Variants in CCDC102B observed in about 807,000 individuals in gnomAD.
The protein encoded by CCDC102B is coiled-coil domain-containing protein 102B.
CCDC102B carries 75 observed loss-of-function variants against 57.4 expected under a neutral mutation model. The observed-to-expected ratio is 1.31, with a 90% CI of 1.08 to 1.58. CCDC102B has a LOEUF of 1.58. Ranked by LOEUF, CCDC102B falls within the 40% of genes most tolerant of loss-of-function variation. The pLI is 0.00. For synonymous variants in CCDC102B, 206 were observed against 201.9 expected (o/e 1.02, Z -0.17); for missense variants, 636 against 582.6 (o/e 1.09, Z -0.94).
chr18:68,846,879 T>G (rs2037890859), intron 4 of CCDC102B, among the ~76,000 whole-genome samples: 1 of 151,796 alleles, frequency 6.6e-6, no homozygotes, highest in African/African-American at 2.4e-5. Context: ...TCAATTTATC[T>G]CAGGCATATT....
chr18:68,999,555 G>T (rs971202840), intron 6 of CCDC102B, among the ~76,000 whole-genome samples: 1 of 152,048 alleles, frequency 6.6e-6, no homozygotes, highest in East Asian at 1.9e-4. Flanking sequence ...GCTGTGAGCC[G>T]AGATTGTGCC....
At chr18:68,996,381 C>T (rs2051028071) in intron 6 of CCDC102B, among the ~76,000 whole-genome samples, 1 of 152,220 alleles carries the variant, frequency 6.6e-6, no homozygotes. Flanking sequence ...GCTGCACTCT[C>T]TGCTTCCTTA....
chr18:68,806,256 G>A (rs918008594), intron 1 of CCDC102B, among the ~76,000 whole-genome samples: 3 of 151,712 alleles, frequency 2.0e-5, no homozygotes, highest in Non-Finnish European at 4.4e-5. Context: ...TATTTTAATG[G>A]GATGTCTCAA....
chr18:69,033,414 G>A (rs1284970208), intron 7 of CCDC102B, among the ~76,000 whole-genome samples: 1 of 152,042 alleles, frequency 6.6e-6, no homozygotes, highest in Non-Finnish European at 1.5e-5. Context: ...ATCTCAAAAA[G>A]GAAAGCCTCT....
Position 68,727,297 on chromosome 18 carries a change from G to C in CCDC102B, c.-67+10703G>C, listed in dbSNP as rs117576755. Among the ~76,000 whole-genome samples the C allele has an allele frequency of 9.2e-3, 1,397 of 152,158 alleles. 16 individuals are homozygous for C. The highest frequency in any genetic ancestry group is 0.016 in the Non-Finnish European group (1,110 of 67,994). Reference sequence around the variant, plus strand: ...GTCAATAGTGACTTCTGTGTTTTTGGAATAGAAAATTACCTAGTACCATTC... The same window carrying C: ...GTCAATAGTGACTTCTGTGTTTTTGCAATAGAAAATTACCTAGTACCATTC... On this transcript the variant is annotated intron_variant, in intron 2 of 3. Coordinates refer to the CCDC102B transcript ENST00000578970.
chr18:68,915,553 A>G (rs544606759), intron 6 of CCDC102B, among the ~76,000 whole-genome samples: 15 of 152,346 alleles, frequency 9.8e-5, no homozygotes, highest in South Asian at 8.3e-4. Flanking sequence ...TGAATTTACA[A>G]TATTTTTTGA....
chr18:68,946,939 G>A (rs1274394441), intron 6 of CCDC102B, among the ~76,000 whole-genome samples: 3 of 151,946 alleles, frequency 2.0e-5, no homozygotes, highest in African/African-American at 4.8e-5. Context: ...CCCAATGGAT[G>A]CATCATGGAA....
intron 2 of CCDC102B, among the ~76,000 whole-genome samples, chr18:68,741,862 G>A (rs1346981667): frequency 6.6e-6 from 1 of 152,174 alleles, no homozygotes; most frequent in African/African-American, 2.4e-5. Context: ...GATGGGGAAG[G>A]AGTGAGTGTT....
intron 1 of CCDC102B, among the ~76,000 whole-genome samples, chr18:68,835,308 C>T (rs561162923): frequency 9.9e-5 from 15 of 152,186 alleles, no homozygotes; most frequent in African/African-American, 3.6e-4. Context: ...CATTTCTAAG[C>T]GATAGTCATA....
chr18:68,911,453 A>T (rs933933260), intron 6 of CCDC102B, among the ~76,000 whole-genome samples: 1 of 152,016 alleles, frequency 6.6e-6, no homozygotes, highest in African/African-American at 2.4e-5. Flanking sequence ...GGGTGGGAGG[A>T]TGGAGAAGAT....
chr18:69,036,935 A>T (rs1036744529), intron 7 of CCDC102B, among the ~76,000 whole-genome samples: 1 of 152,040 alleles, frequency 6.6e-6, no homozygotes, highest in African/African-American at 2.4e-5. Flanking sequence ...AAATAGAGAA[A>T]AACAGGTGAT....
At chr18:68,948,871 G>A (rs1163861206) in intron 6 of CCDC102B, among the ~76,000 whole-genome samples, 1 of 152,064 alleles carries the variant, frequency 6.6e-6, no homozygotes, top group East Asian at 1.9e-4. Flanking sequence ...GTGATGATAA[G>A]CTAGTATATT....
At chr18:68,937,735 G>A (rs939985150) in intron 6 of CCDC102B, among the ~76,000 whole-genome samples, 5 of 152,058 alleles carry the variant, frequency 3.3e-5, no homozygotes, top group Admixed American at 6.6e-5. Context: ...TTCTCCTAAC[G>A]CTATCCCTCC....
intron 6 of CCDC102B, among the ~76,000 whole-genome samples, chr18:68,968,807 AC>A (rs1413361548): frequency 1.3e-5 from 2 of 152,248 alleles, no homozygotes; most frequent in African/African-American, 4.8e-5. Context: ...TATTCTCATG[AC>A]GGACAGATTT....
At chr18:68,983,884 G>A (rs1341135271) in intron 6 of CCDC102B, among the ~76,000 whole-genome samples, 1 of 151,792 alleles carries the variant, frequency 6.6e-6, no homozygotes, top group Non-Finnish European at 1.5e-5. Flanking sequence ...ATGTTTAAAG[G>A]AGTGAAAAAA....
At chr18:68,815,576 C>T (rs923532772) in intron 1 of CCDC102B, among the ~76,000 whole-genome samples, 22 of 151,810 alleles carry the variant, frequency 1.4e-4, no homozygotes, top group African/African-American at 5.3e-4. Context: ...AGTGATTAAC[C>T]AGAGCATGGG....
chr18:68,834,453 A>ATATATATATT (rs1491121574), intron 1 of CCDC102B, among the ~76,000 whole-genome samples: 1 of 144,566 alleles, frequency 6.9e-6, no homozygotes, highest in Non-Finnish European at 1.5e-5. Flanking sequence ...ATATATATAT[A>ATATATATATT]TTTGCTGTGT....
At chr18:68,954,247 C>T (rs1280789392) in intron 6 of CCDC102B, among the ~76,000 whole-genome samples, 1 of 152,062 alleles carries the variant, frequency 6.6e-6, no homozygotes, top group East Asian at 1.9e-4. Flanking sequence ...TGGCGAAACC[C>T]CATCTCTACT....
At chr18:68,949,792 C>T (rs1200236013) in intron 6 of CCDC102B, among the ~76,000 whole-genome samples, 4 of 152,078 alleles carry the variant, frequency 2.6e-5, no homozygotes, top group African/African-American at 9.7e-5. Flanking sequence ...AGTTAAAAAG[C>T]TTCTGCTAGT....
Sources: gnomAD v4.1 joint callset for allele counts (sites outside exome capture counted in the v4.1 genomes callset) on GRCh38, gnomAD v4.1.1 for gene constraint, MANE v1.5 for transcripts, NCBI Gene and HGNC (gene_info 2026-07-23, HGNC 2026-07-21) for gene names.